SEL1L3: variants seen among roughly 807,000 people sequenced by gnomAD.
SEL1L3 encodes the protein SEL1L family member 3, also known as protein sel-1 homolog 3.
SEL1L3 carries 76 observed loss-of-function variants against 142.8 expected under a neutral mutation model. The ratio of observed to expected loss-of-function variants is 0.53; its 90% confidence interval spans 0.44 to 0.64. The LOEUF (loss-of-function observed/expected upper bound fraction) is 0.64, where lower values mean the gene tolerates loss of function less well. SEL1L3 is among the 30% of genes least tolerant of loss of function. SEL1L3 has a pLI of 0.00. For synonymous variants in SEL1L3, 504 were observed against 519.6 expected, an observed-to-expected ratio of 0.97 and a Z score of 0.41; for missense variants, 1,262 against 1,381.7, an observed-to-expected ratio of 0.91 and a Z score of 1.37.
intron 1 of SEL1L3, chr4:25,861,748 G>C (rs1477586160): frequency 6.6e-6 from 1 of 151,432 alleles, no homozygotes; most frequent in Non-Finnish European, 1.5e-5. Flanking sequence ...GGTTTCTGCA[G>C]GATTGTGGAA....
At chr4:25,755,096 T>G (rs1350761120) in intron 23 of SEL1L3, among the ~76,000 whole-genome samples, 1 of 152,052 alleles carries the variant, frequency 6.6e-6, no homozygotes, top group Non-Finnish European at 1.5e-5. Flanking sequence ...AACTTCTACT[T>G]TTTTAGAGAC....
chr4:25,740,609 G>A, the SEL1L3 span, among the ~76,000 whole-genome samples: 23,252 of 151,854 alleles, frequency 0.15, 1,975 homozygotes, highest in Middle Eastern at 0.24. Context: ...GCACCTATTG[G>A]ACCTGTGCAG....
the SEL1L3 span, among the ~76,000 whole-genome samples, chr4:25,722,624 C>CTTTTTTTTTTTTTTTTTTTTTTTT: frequency 5.8e-5 from 6 of 103,670 alleles, no homozygotes; most frequent in African/African-American, 1.8e-4. Flanking sequence ...CCAAAGGAGG[C>CTTTTTTTTTTTTTTTTTTTTTTTT]TTTTTTTTTT....
chr4:25,811,632 C>T (rs1309209703), intron 9 of SEL1L3, among the ~76,000 whole-genome samples: 1 of 152,084 alleles, frequency 6.6e-6, no homozygotes, highest in African/African-American at 2.4e-5. Flanking sequence ...TGCCGCCATT[C>T]AGTTGCTAAA....
intron 9 of SEL1L3, among the ~76,000 whole-genome samples, chr4:25,816,685 C>T (rs552399644): frequency 1.3e-5 from 2 of 152,256 alleles, no homozygotes; most frequent in East Asian, 3.9e-4. Context: ...TTCAGCAGGT[C>T]CCTGTCACCT....
intron 17 of SEL1L3, among the ~76,000 whole-genome samples, chr4:25,772,396 T>C (rs1358724704): frequency 2.0e-5 from 3 of 152,144 alleles, no homozygotes; most frequent in East Asian, 3.8e-4. Context: ...AGAGAGTAAA[T>C]TGGTGAAACT....
At chr4:25,852,061 TTTAA>T (rs548069215) in intron 1 of SEL1L3, among the ~76,000 whole-genome samples, 171 of 151,970 alleles carry the variant, frequency 1.1e-3, no homozygotes, top group African/African-American at 3.7e-3. Context: ...CCAGGAGAGG[TTTAA>T]TTGTTTTATG....
the SEL1L3 span, among the ~76,000 whole-genome samples, chr4:25,735,217 T>C: frequency 2.6e-5 from 4 of 152,134 alleles, no homozygotes; most frequent in Non-Finnish European, 4.4e-5. Flanking sequence ...TCTTTTTTTT[T>C]CCTTCCCTAT....
the SEL1L3 span, among the ~76,000 whole-genome samples, chr4:25,741,832 T>A: frequency 6.7e-6 from 1 of 148,742 alleles, no homozygotes; most frequent in Non-Finnish European, 1.5e-5. Context: ...ATTATATATA[T>A]TTTTTTTGAG....
At position 25,790,455 on chromosome 4, in the gene SEL1L3, CTGAGCTGCT is replaced by C; in HGVS notation, c.2067_2075del (p.Ala690_Gln692del). The C allele has an allele frequency of 6.2e-7, 1 of 1,613,792 alleles. No individual in the cohort carries two copies. The highest frequency in any genetic ancestry group is 1.6e-4 in the Middle Eastern group (1 of 6,062). On this transcript the variant is annotated inframe_deletion and splice_region_variant, in exon 12 of 24. Coordinates refer to ENST00000399878, the MANE Select transcript of SEL1L3 (RefSeq NM_015187.5). ...CCAAGACAGTAGCCTGCGTTTTTAC[CTGAGCTGCT>C]GCATTGCCTCGGGTAGCTTCATGCT...
chr4:25,854,513 G>C (rs1422056217), intron 1 of SEL1L3, among the ~76,000 whole-genome samples: 1 of 152,250 alleles, frequency 6.6e-6, no homozygotes, highest in South Asian at 2.1e-4. Flanking sequence ...TCTGACCTCA[G>C]GTGATCCACC....
At position 25,788,264 on chromosome 4, in the gene SEL1L3, T is replaced by A; in HGVS notation, c.2177A>T (p.Asp726Val). 2 of 1,613,946 alleles carry A rather than the reference T, an allele frequency of 1.2e-6. No homozygotes were observed. Among genetic ancestry groups the A allele is most frequent in the South Asian group, 1.1e-5 (1 of 91,092 alleles). ...WYAKGALETE[D>V]PALIYDYAIV... is the part of the protein sequence containing the mutation. ...GGCATAGTCATAGATTAACGCAGGA[T>A]CCTCCGTCTCCAGGGCGCCCTTGGC... Residue 726 changes from aspartate (D) to valine (V), a missense_variant, in exon 13 of 24, where the codon GAT becomes GTT. This residue lies in a region of SEL1L3 where 435 missense variants were observed against 559.2 expected (regional missense o/e 0.78). Coordinates refer to ENST00000399878, the MANE Select transcript of SEL1L3 (RefSeq NM_015187.5). The surrounding 1 kb of genome is among the most constrained non-coding windows in gnomAD (Gnocchi z 5.3).
chr4:25,745,799 G>T (rs1450822531), downstream of SEL1L3, among the ~76,000 whole-genome samples: 2 of 152,252 alleles, frequency 1.3e-5, no homozygotes, highest in South Asian at 2.1e-4. Flanking sequence ...TCTTGCAAGG[G>T]TATGCCCTTG....
At chr4:25,761,371 G>A (rs1219745481) in intron 20 of SEL1L3, among the ~76,000 whole-genome samples, 5 of 152,150 alleles carry the variant, frequency 3.3e-5, no homozygotes, top group Admixed American at 3.3e-4. Context: ...AGCCAGGCTG[G>A]TCTCGACCTT....
chr4:25,748,280 T>TAAAA lies in SEL1L3; in HGVS notation c.*141_*144dup. 1.3e-6 allele frequency: 1 copy of TAAAA among 765,670 alleles called. No individual in the cohort carries two copies. Among genetic ancestry groups the TAAAA allele is most frequent in the Non-Finnish European group, 2.1e-6 (1 of 484,656 alleles). 47.4% of individuals were successfully genotyped at this position (765,670 alleles called of 1,614,324 possible). On this transcript the variant is annotated 3_prime_UTR_variant, in exon 24 of 24. Coordinates refer to ENST00000399878, the MANE Select transcript of SEL1L3 (RefSeq NM_015187.5). ...TGGGTACTTCCTTGTAATTTGACTT[T>TAAAA]AAAAAAAATGACACCAATTGCAAAA...
At chr4:25,732,267 C>T in the SEL1L3 span, among the ~76,000 whole-genome samples, 16 of 152,086 alleles carry the variant, frequency 1.1e-4, no homozygotes, top group Non-Finnish European at 1.8e-4. Flanking sequence ...ACTTGAATTT[C>T]GGATAAATAA....
intron 10 of SEL1L3, among the ~76,000 whole-genome samples, chr4:25,803,001 G>A (rs532613489): frequency 2.0e-4 from 30 of 152,320 alleles, no homozygotes; most frequent in Non-Finnish European, 3.5e-4. Context: ...TGGTACAAAC[G>A]GGGATCTTTC....
chr4:25,732,300 A>G, the SEL1L3 span, among the ~76,000 whole-genome samples: 6 of 152,196 alleles, frequency 3.9e-5, no homozygotes, highest in Non-Finnish European at 8.8e-5. Context: ...TAGGATACAT[A>G]TATCCCATGC....
At chr4:25,794,826 C>G (rs565190285) in intron 11 of SEL1L3, among the ~76,000 whole-genome samples, 31 of 152,202 alleles carry the variant, frequency 2.0e-4, no homozygotes, top group African/African-American at 6.5e-4. Context: ...CAGTGATAGA[C>G]TGGATAAAGA....
Sources: gnomAD v4.1 joint callset for allele counts (sites outside exome capture counted in the v4.1 genomes callset) on GRCh38, gnomAD v4.1.1 for gene constraint, gnomAD v4.1.1 regional missense constraint, Gnocchi (gnomAD v3.1) non-coding constraint, MANE v1.5 for transcripts, NCBI Gene and HGNC (gene_info 2026-07-23, HGNC 2026-07-21) for gene names.